Variants in ATP5F1C observed in about 807,000 individuals in gnomAD.
ATP5F1C encodes the protein ATP synthase F(1) complex subunit gamma, mitochondrial.
ATP5F1C carries 22 observed loss-of-function variants against 37.4 expected under a neutral mutation model. That is an observed-to-expected ratio of 0.59 (90% CI 0.42 to 0.84). The LOEUF (loss-of-function observed/expected upper bound fraction) is 0.84. ATP5F1C is among the 40% of genes least tolerant of loss of function. The pLI is 0.00. For missense variants in ATP5F1C, 286 were observed against 362.4 expected (o/e 0.79, Z 1.71); for synonymous variants, 121 against 128.0 (o/e 0.95, Z 0.37).
At chr10:7,804,904 G>A (rs970643308) in intron 8 of ATP5F1C, among the ~76,000 whole-genome samples, 12 of 152,344 alleles carry the variant, frequency 7.9e-5, no homozygotes, top group African/African-American at 2.9e-4. Context: ...TTCCTTAAGT[G>A]TTACTTTTCA....
chr10:7,796,022 G>A lies in ATP5F1C; in HGVS notation c.57-99G>A, dbSNP rs1171070720. 4.7e-6 allele frequency: 4 copies of A among 845,254 alleles called. No individual in the cohort carries two copies. The South Asian group carries it at 4.9e-5, about 10-fold the overall frequency. The allele number at this position is 845,254 out of a possible 1,614,324, so 52.4% of individuals were successfully genotyped here. On this transcript the variant is annotated intron_variant, in intron 1 of 9. Transcript: ENST00000356708. ...GTATTTGATAGATTGTTTCTTTATG[G>A]GGTATTCTTTAAATAAATATATATT...
At position 7,804,382 on chromosome 10, in the gene ATP5F1C, C is replaced by A. The variant is rs147934031; in HGVS notation, c.890+1528C>A. On this transcript the variant is annotated intron_variant, in intron 8 of 9. Coordinates refer to ENST00000356708, the MANE Select transcript of ATP5F1C (RefSeq NM_001001973.3). ...CTCTTACCATTACCATTTCTCACGTCCTTGAACCTCAGCCACCTTGATCTA... is the reference window on the plus strand; with the variant it reads ...CTCTTACCATTACCATTTCTCACGTACTTGAACCTCAGCCACCTTGATCTA... Among the ~76,000 whole-genome samples the A allele has an allele frequency of 1.2e-4, 18 of 152,346 alleles. No homozygotes were observed. The East Asian group carries it at 3.3e-3, about 28-fold the overall frequency.
At chr10:7,797,292 T>C in intron 3 of ATP5F1C, 114 bp downstream of exon 3, 1 of 1,362,186 alleles carries the variant, frequency 7.3e-7, no homozygotes, top group Non-Finnish European at 1.0e-6. Flanking sequence ...GCACTTGCCA[T>C]GTACTTATTT....
intron 1 of ATP5F1C, among the ~76,000 whole-genome samples, chr10:7,790,509 C>G (rs1387391413): frequency 6.6e-6 from 1 of 152,102 alleles, no homozygotes; most frequent in African/African-American, 2.4e-5. Flanking sequence ...TCAGTAGTCT[C>G]TAAAATGGAA....
chr10:7,806,877 C>A, intron 8 of ATP5F1C, 97 bp from the exon 9 acceptor site: 1 of 1,085,184 alleles, frequency 9.2e-7, no homozygotes, highest in Non-Finnish European at 1.4e-6. Context: ...TAACAATTGA[C>A]TTTTTTTCAT....
chr10:7,799,142 A>G lies in ATP5F1C; in HGVS notation c.376A>G (p.Lys126Glu), dbSNP rs144205575. 10 of 1,613,972 alleles carry G rather than the reference A, an allele frequency of 6.2e-6. No individual in the cohort carries two copies. In the African/African-American group the frequency reaches 1.3e-4, roughly 22 times the overall value. ...GGTTGCTACACTAACAGCAGCTGGG[A>G]AAGAAGTTATGCTTGTTGGAATTGG... ...SEVATLTAAGKEVMLVGIGDK... is the reference protein window; with the variant it reads ...SEVATLTAAGEEVMLVGIGDK... The change falls in exon 4 of 10, where the codon AAA (lysine) becomes GAA (glutamate). Residue 126 changes from lysine (K) to glutamate (E), a missense_variant. Transcript: ENST00000356708.
At chr10:7,804,054 A>T in intron 8 of ATP5F1C, 1 of 518,366 alleles carries the variant, frequency 1.9e-6, no homozygotes, top group South Asian at 1.4e-5. Context: ...CTCAGTCTTC[A>T]CAGTAAAGGC....
chr10:7,788,233 G>A lies in ATP5F1C; in HGVS notation c.26G>A (p.Gly9Glu), dbSNP rs770856872. The A allele has an allele frequency of 1.9e-6, 3 of 1,613,640 alleles. No individual in the cohort carries two copies. Among genetic ancestry groups the A allele is most frequent in the Non-Finnish European group, 2.5e-6 (3 of 1,179,934 alleles). ...ATGTTCTCTCGCGCGGGTGTCGCTGGGCTGTCGGCCTGGACCTTGCAGCCG... is the reference window on the plus strand; with the variant it reads ...ATGTTCTCTCGCGCGGGTGTCGCTGAGCTGTCGGCCTGGACCTTGCAGCCG... MFSRAGVA[G>E]LSAWTLQPQW... Residue 9 changes from glycine (G) to glutamate (E), a missense_variant, in exon 1 of 10, where the codon GGG becomes GAG. Transcript: ENST00000356708.
intron 1 of ATP5F1C, among the ~76,000 whole-genome samples, chr10:7,789,961 C>G (rs1013568310): frequency 6.6e-6 from 1 of 152,190 alleles, no homozygotes; most frequent in African/African-American, 2.4e-5. Flanking sequence ...CTAATCCTGA[C>G]CTTAATCCCT....
chr10:7,796,907 G>A, intron 2 of ATP5F1C, 140 bp from the exon 3 acceptor site: 1 of 963,302 alleles, frequency 1.0e-6, no homozygotes, highest in Non-Finnish European at 1.5e-6. Context: ...CTAATATTAA[G>A]ACTGGTTTAG....
At chr10:7,800,139 A>G (rs1836327431) in intron 6 of ATP5F1C, 48 bp downstream of exon 6, 1 of 1,533,270 alleles carries the variant, frequency 6.5e-7, no homozygotes, top group Non-Finnish European at 9.0e-7. Flanking sequence ...TAGAATGGAG[A>G]GATTTGTACA....
rs777696308 is a variant in ATP5F1C, at chr10:7,797,111, G to A, written c.156G>A (p.Ala52=). The change falls in exon 3 of 10, where the codon GCG becomes GCA. Residue 52 remains alanine (A), a synonymous_variant. Transcript: ENST00000356708. ...QKITKSMKMV[A]AAKYARAERE... ...TTACCAAGTCTATGAAAATGGTAGCGGCAGCAAAATATGCCCGAGCTGAGA... is the reference window on the plus strand; with the variant it reads ...TTACCAAGTCTATGAAAATGGTAGCAGCAGCAAAATATGCCCGAGCTGAGA... 4.8e-5 allele frequency: 77 copies of A among 1,613,968 alleles called. No homozygotes were observed. The highest frequency in any genetic ancestry group is 3.3e-4 in the Middle Eastern group (2 of 6,084).
In ATP5F1C at chr10:7,788,285, T is replaced by G. The variant is rs1016636147; in HGVS notation, c.56+22T>G. On this transcript the variant is annotated intron_variant, in intron 1 of 9. Transcript: ENST00000356708. The stretch of plus-strand genomic sequence containing the variant: ...AATGGTATGGCAGCTTGCGGGAAGA[T>G]CGGCAGGACCGCAAGGGATGGAAGA... 4 of 1,611,534 alleles carry G rather than the reference T, an allele frequency of 2.5e-6. No homozygotes were observed. The African/African-American group carries it at 5.3e-5, about 22-fold the overall frequency.
In ATP5F1C at chr10:7,804,750, G is replaced by A. The variant is rs184364088; in HGVS notation, c.890+1896G>A. ...CCATTGCCTGGTACATACCTCCTTC[G>A]TGAATGTTGAATGAATGAATGAAAT... On this transcript the variant is annotated intron_variant, in intron 8 of 9. Coordinates refer to ENST00000356708, the MANE Select transcript of ATP5F1C (RefSeq NM_001001973.3). Among the ~76,000 whole-genome samples the A allele has an allele frequency of 2.6e-4, 40 of 152,232 alleles. No individual in the cohort carries two copies. The East Asian group carries it at 5.8e-3, about 22-fold the overall frequency.
chr10:7,803,090 AATGGG>A (rs1440077093), intron 8 of ATP5F1C, among the ~76,000 whole-genome samples: 1 of 152,118 alleles, frequency 6.6e-6, no homozygotes, highest in African/African-American at 2.4e-5. Context: ...AAGGATTAGG[AATGGG>A]ATGTGGATAA....
At chr10:7,788,666 G>A (rs1175625721) in intron 1 of ATP5F1C, among the ~76,000 whole-genome samples, 2 of 152,184 alleles carry the variant, frequency 1.3e-5, no homozygotes, top group African/African-American at 4.8e-5. Flanking sequence ...ATAGCCCAGG[G>A]GAAGGTTAAG....
intron 4 of ATP5F1C, 54 bp downstream of exon 4, chr10:7,799,248 TTC>T (rs1342304838): frequency 1.3e-6 from 2 of 1,536,870 alleles, no homozygotes; most frequent in Admixed American, 1.7e-5. Flanking sequence ...CGAATAAATC[TTC>T]TCTCAAAAGT....
intron 1 of ATP5F1C, among the ~76,000 whole-genome samples, chr10:7,795,902 C>T (rs1836229702): frequency 6.6e-6 from 1 of 151,990 alleles, no homozygotes; most frequent in Non-Finnish European, 1.5e-5. Context: ...GGTGGTGGTA[C>T]AGACAGGCCA....
chr10:7,790,813 A>G (rs1221686129), intron 1 of ATP5F1C, among the ~76,000 whole-genome samples: 1 of 152,180 alleles, frequency 6.6e-6, no homozygotes, highest in Non-Finnish European at 1.5e-5. Context: ...TCTGTCAAAT[A>G]TATGCAATAA....
Sources: gnomAD v4.1 joint callset for allele counts (sites outside exome capture counted in the v4.1 genomes callset) on GRCh38, gnomAD v4.1.1 for gene constraint, MANE v1.5 for transcripts, NCBI Gene and HGNC (gene_info 2026-07-23, HGNC 2026-07-21) for gene names.